Variants in PTK2 observed in about 807,000 individuals in gnomAD.
PTK2 encodes focal adhesion kinase 1.
A neutral mutation model predicts 150.1 loss-of-function variants in PTK2; 45 were observed. The observed-to-expected ratio is 0.30, with a 90% CI of 0.24 to 0.38. The LOEUF (loss-of-function observed/expected upper bound fraction) is 0.38, where lower values mean the gene tolerates loss of function less well. PTK2 is among the 10% of genes least tolerant of loss of function. The probability of loss-of-function intolerance (pLI) is 1.00; values close to 1 mark genes in which losing one functional copy is unlikely to be tolerated. For missense variants in PTK2, 919 were observed against 1,307.3 expected, an observed-to-expected ratio of 0.70 and a Z score of 4.58; for synonymous variants, 432 against 449.2, an observed-to-expected ratio of 0.96 and a Z score of 0.48.
At chr8:140,734,142 G>C (rs2100051191) in intron 22 of PTK2, among the ~76,000 whole-genome samples, 2 of 152,180 alleles carry the variant, frequency 1.3e-5, no homozygotes, top group African/African-American at 4.8e-5. Context: ...GGCTGGGCTA[G>C]ATGGTGAAAG....
At chr8:140,803,774 A>T (rs546872422) in intron 10 of PTK2, 124 bp from the exon 11 acceptor site, 29 of 830,324 alleles carry the variant, frequency 3.5e-5, no homozygotes, top group South Asian at 1.6e-5. Flanking sequence ...AGGTCTGGGG[A>T]AAAAAACAGA....
At chr8:140,827,401 T>C (rs921052439) in intron 8 of PTK2, among the ~76,000 whole-genome samples, 3 of 151,984 alleles carry the variant, frequency 2.0e-5, no homozygotes, top group Non-Finnish European at 2.9e-5. Context: ...AGTTATCTGA[T>C]ACCCAGGTAC....
chr8:140,965,961 A>G (rs2100185107), intron 1 of PTK2, among the ~76,000 whole-genome samples: 1 of 152,208 alleles, frequency 6.6e-6, no homozygotes, highest in Admixed American at 6.5e-5. Context: ...CAACTTAAGC[A>G]CTATTAATTA....
intron 1 of PTK2, among the ~76,000 whole-genome samples, chr8:140,958,644 T>G (rs1174387652): frequency 6.6e-6 from 1 of 152,208 alleles, no homozygotes; most frequent in Non-Finnish European, 1.5e-5. Context: ...GAGACGTAAG[T>G]GTAAAATACA....
intron 4 of PTK2, 63 bp downstream of exon 4, chr8:140,879,408 G>T: frequency 2.1e-6 from 3 of 1,452,388 alleles, no homozygotes; most frequent in Non-Finnish European, 2.8e-6. Flanking sequence ...GTTATCTTGT[G>T]CATGTTTTTA....
chr8:140,847,982 A>G (rs1469446226), intron 5 of PTK2, among the ~76,000 whole-genome samples: 2 of 152,182 alleles, frequency 1.3e-5, no homozygotes, highest in African/African-American at 4.8e-5. Context: ...CCTCTGTCTG[A>G]ATTGCTTGGT....
exon 23 of PTK2, chr8:140,717,628 G>A (rs764458928): frequency 2.5e-6 from 4 of 1,613,902 alleles, no homozygotes; most frequent in Non-Finnish European, 2.5e-6. Context: ...ACCCTCCGGA[G>A]TCCCAGGACA....
intron 24 of PTK2, among the ~76,000 whole-genome samples, chr8:140,705,518 A>G (rs1052034494): frequency 3.3e-5 from 5 of 152,224 alleles, no homozygotes; most frequent in Admixed American, 2.0e-4. Flanking sequence ...GGTCACAGAC[A>G]CGCTCTATAT....
intron 1 of PTK2, among the ~76,000 whole-genome samples, chr8:140,931,954 A>AAAAAG (rs2100171985): frequency 6.9e-6 from 1 of 144,098 alleles, no homozygotes; most frequent in African/African-American, 2.5e-5. Flanking sequence ...AAAAAAAAAA[A>AAAAAG]GCTGCATTAA....
chr8:140,803,174 C>T (rs982149106), intron 11 of PTK2, among the ~76,000 whole-genome samples: 2 of 151,808 alleles, frequency 1.3e-5, no homozygotes, highest in African/African-American at 2.4e-5. Context: ...ACCACCATGC[C>T]TGGCTTATCT....
At chr8:140,790,969 A>G (rs1401088760) in intron 13 of PTK2, among the ~76,000 whole-genome samples, 1 of 152,186 alleles carries the variant, frequency 6.6e-6, no homozygotes, top group African/African-American at 2.4e-5. Context: ...TGCTGTTGCT[A>G]AGCAACTTTC....
At chr8:140,792,263 G>T (rs1248388730) in intron 13 of PTK2, among the ~76,000 whole-genome samples, 1 of 152,168 alleles carries the variant, frequency 6.6e-6, no homozygotes, top group Non-Finnish European at 1.5e-5. Flanking sequence ...TCTGGTATTT[G>T]GATGCATGCC....
At chr8:140,714,398 G>A (rs997026111) in intron 23 of PTK2, among the ~76,000 whole-genome samples, 1 of 151,604 alleles carries the variant, frequency 6.6e-6, no homozygotes, top group Non-Finnish European at 1.5e-5. Flanking sequence ...CAAAGGGATT[G>A]TTTAAGCCCA....
intron 5 of PTK2, among the ~76,000 whole-genome samples, chr8:140,855,637 G>T (rs1016929195): frequency 2.0e-5 from 3 of 151,900 alleles, no homozygotes; most frequent in African/African-American, 7.3e-5. Flanking sequence ...TTAAGAAAAT[G>T]AACAGACAAG....
At chr8:140,808,945 C>T (rs2100099811) in intron 10 of PTK2, among the ~76,000 whole-genome samples, 1 of 151,964 alleles carries the variant, frequency 6.6e-6, no homozygotes, top group Admixed American at 6.6e-5. Context: ...GTTGGCCAGG[C>T]TGGTCTCAAA....
chr8:140,979,110 T>G (rs1228656082), intron 1 of PTK2, among the ~76,000 whole-genome samples: 2 of 53,514 alleles, frequency 3.7e-5, no homozygotes, highest in East Asian at 6.5e-4. Context: ...GGGCCTGTTG[T>G]GGGGTGGGGG....
intron 2 of PTK2, among the ~76,000 whole-genome samples, chr8:140,897,487 G>C (rs1220837861): frequency 6.6e-6 from 1 of 152,152 alleles, no homozygotes; most frequent in African/African-American, 2.4e-5. Flanking sequence ...GCCTTCTTCA[G>C]CTCTCTCCGG....
chr8:140,661,160 T>C (rs912970694), intron 31 of PTK2, among the ~76,000 whole-genome samples: 1 of 152,226 alleles, frequency 6.6e-6, no homozygotes, highest in Non-Finnish European at 1.5e-5. Flanking sequence ...ACCTAGTTGA[T>C]CTTTATTTGG....
intron 1 of PTK2, 33 bp from the exon 2 acceptor site, chr8:140,925,782 G>A (rs1603265000): frequency 2.4e-6 from 1 of 411,304 alleles, no homozygotes; most frequent in East Asian, 1.6e-4. Context: ...TCAAAATCCT[G>A]AACTTCAGTT....
Sources: allele counts gnomAD v4.1 joint callset (sites outside exome capture counted in the v4.1 genomes callset), GRCh38; gene constraint gnomAD v4.1.1; transcripts MANE v1.5; gene names NCBI Gene and HGNC (gene_info 2026-07-23, HGNC 2026-07-21).